MBTPS1: variants seen among roughly 807,000 people sequenced by gnomAD.
The protein encoded by MBTPS1 is membrane bound transcription factor peptidase, site 1.
Under a neutral mutation model 127.8 loss-of-function variants are expected in MBTPS1, and 94 were observed. That is an observed-to-expected ratio of 0.74 (90% CI 0.62 to 0.87). MBTPS1 has a LOEUF of 0.87. Among genes scored for constraint, MBTPS1 ranks in the 40% least tolerant of loss-of-function variants. The pLI is 0.00. For synonymous variants in MBTPS1, 632 were observed against 509.4 expected, an observed-to-expected ratio of 1.24 and a Z score of -3.24; for missense variants, 1,636 against 1,353.2, an observed-to-expected ratio of 1.21 and a Z score of -3.28.
At chr16:84,084,746 T>C (rs2085994344) in intron 10 of MBTPS1, among the ~76,000 whole-genome samples, 1 of 152,240 alleles carries the variant, frequency 6.6e-6, no homozygotes, top group Non-Finnish European at 1.5e-5. Flanking sequence ...ATTTTGCCTA[T>C]CAGCACTTTG....
chr16:84,098,808 C>T (rs571515501), intron 3 of MBTPS1, among the ~76,000 whole-genome samples: 3 of 152,160 alleles, frequency 2.0e-5, no homozygotes, highest in Non-Finnish European at 4.4e-5. Flanking sequence ...CTACTGCAAA[C>T]CCTCAGATTT....
intron 18 of MBTPS1, among the ~76,000 whole-genome samples, chr16:84,063,913 C>G (rs1243528698): frequency 6.6e-6 from 1 of 152,142 alleles, no homozygotes; most frequent in Non-Finnish European, 1.5e-5. Context: ...TTATGAAAAG[C>G]TAGGACAAAT....
chr16:84,088,858 G>A (rs1195335501), intron 8 of MBTPS1, among the ~76,000 whole-genome samples: 2 of 152,212 alleles, frequency 1.3e-5, no homozygotes, highest in Non-Finnish European at 2.9e-5. Flanking sequence ...GTGATCACAT[G>A]CCACGTTCTG....
chr16:84,094,664 T>A (rs1232562257), intron 4 of MBTPS1, among the ~76,000 whole-genome samples: 2 of 152,200 alleles, frequency 1.3e-5, no homozygotes, highest in East Asian at 3.8e-4. Context: ...ATGCTACTTT[T>A]AAAAAATGCA....
At chr16:84,079,948 G>A (rs1354780277) in intron 11 of MBTPS1, among the ~76,000 whole-genome samples, 1 of 152,314 alleles carries the variant, frequency 6.6e-6, no homozygotes, top group Non-Finnish European at 1.5e-5. Context: ...CCCAGGTCTT[G>A]ATTTCTTTAG....
Position 84,072,167 on chromosome 16 carries a change from G to C in MBTPS1, c.1594-1391C>G, listed in dbSNP as rs373478676. 6 of 152,296 alleles carry C rather than the reference G, an allele frequency of 3.9e-5. No homozygotes were observed. The South Asian group carries it at 8.3e-4, about 21-fold the overall frequency. 9.4% of individuals were successfully genotyped at this position (152,296 alleles called of 1,614,324 possible). ...AGCAGCGCGGCACTGACAGCACTAC[G>C]GCGTGGACAAACTGTGAAAACCTGA... On this transcript the variant is annotated intron_variant, in intron 12 of 22. Transcript: ENST00000343411.
intron 2 of MBTPS1, among the ~76,000 whole-genome samples, chr16:84,100,999 CAA>C (rs562200642): frequency 1.0e-4 from 7 of 68,546 alleles, no homozygotes; most frequent in East Asian, 5.7e-4. Flanking sequence ...ACTAAAAATA[CAA>C]AAAAAAAAAA....
chr16:84,110,413 G>A (rs144670614), intron 1 of MBTPS1, among the ~76,000 whole-genome samples: 13 of 152,052 alleles, frequency 8.5e-5, no homozygotes, highest in African/African-American at 3.1e-4. Context: ...TAAAAATTAT[G>A]TTTATTAAGT....
chr16:84,074,715 G>A lies in MBTPS1; in HGVS notation c.1475C>T (p.Thr492Ile). 1 of 1,614,062 alleles carries A rather than the reference G, an allele frequency of 6.2e-7. No individual in the cohort carries two copies. The highest frequency in any genetic ancestry group is 8.5e-7 in the Non-Finnish European group (1 of 1,179,964). Residue 492 changes from threonine to isoleucine, a missense_variant, in exon 12 of 23, where the codon ACT becomes ATT. Thr to Ile is a moderately conservative substitution (Grantham distance 89). Transcript: ENST00000343411. ...GTAGGGCCACATGTAGGGACACTCA[G>A]TCAGATCTATGTAGCTGGGGCTCAA... ...ASLSPSYIDL[T>I]ECPYMWPYCS...
intron 1 of MBTPS1, among the ~76,000 whole-genome samples, chr16:84,106,595 C>T (rs2086326727): frequency 2.6e-5 from 4 of 152,114 alleles, no homozygotes; most frequent in Admixed American, 2.0e-4. Context: ...CTGAGGAAAC[C>T]GGGAGACAGC....
intron 10 of MBTPS1, among the ~76,000 whole-genome samples, chr16:84,083,041 A>G (rs1323424025): frequency 6.6e-6 from 1 of 152,218 alleles, no homozygotes. Context: ...GCTGCTGGGA[A>G]AAGGAACAAC....
rs972156257 is a variant in MBTPS1, at chr16:84,062,981, G to T, written c.2572+324C>A. Reference sequence around the variant, plus strand: ...GCAGCACGGCGTAGGAAGCCTGGGAGGGGCAGGCCCCAAGGAAGTCAGGGA... The same window carrying T: ...GCAGCACGGCGTAGGAAGCCTGGGATGGGCAGGCCCCAAGGAAGTCAGGGA... On this transcript the variant is annotated intron_variant, in intron 19 of 22. Coordinates refer to ENST00000343411, the MANE Select transcript of MBTPS1 (RefSeq NM_003791.4). Among the ~76,000 whole-genome samples, 36 of 152,368 alleles carry T rather than the reference G, an allele frequency of 2.4e-4. 1 individual carries two copies. Among genetic ancestry groups the T allele is most frequent in the Admixed American group, 1.7e-3 (26 of 15,312 alleles).
At chr16:84,059,170 C>T in intron 21 of MBTPS1, 132 bp downstream of exon 21, 1 of 1,222,414 alleles carries the variant, frequency 8.2e-7, no homozygotes, top group African/African-American at 1.5e-5. Flanking sequence ...CACTAAATAA[C>T]TGTCGCAAAT....
At chr16:84,065,858 A>T in intron 17 of MBTPS1, 91 bp from the exon 18 acceptor site, 1 of 685,146 alleles carries the variant, frequency 1.5e-6, no homozygotes, top group Non-Finnish European at 2.4e-6. Flanking sequence ...TACATTCTTC[A>T]GATGCTATGT....
Position 84,108,052 on chromosome 16 carries a change from T to A in MBTPS1, c.-324-5945A>T, listed in dbSNP as rs2086348746. 2.0e-5 allele frequency among the ~76,000 whole-genome samples: 3 copies of A among 151,430 alleles called. No homozygotes were observed. In the South Asian group the frequency reaches 6.3e-4, roughly 32 times the overall value. On this transcript the variant is annotated intron_variant, in intron 1 of 22. Transcript: ENST00000343411. ...CCCACAGACTCACTAGACAAGTCAG[T>A]GAGGCTTTGCAAGCACAGACTGCAC... is the stretch of plus-strand genomic sequence containing the variant.
At chr16:84,063,079 C>T (rs2085637013) in intron 19 of MBTPS1, among the ~76,000 whole-genome samples, 1 of 152,264 alleles carries the variant, frequency 6.6e-6, no homozygotes, top group Non-Finnish European at 1.5e-5. Flanking sequence ...GAAGAGGCAT[C>T]ATGGCCCCAA....
chr16:84,073,935 G>C (rs1038312196), intron 12 of MBTPS1, among the ~76,000 whole-genome samples: 1 of 152,166 alleles, frequency 6.6e-6, no homozygotes, highest in Non-Finnish European at 1.5e-5. Flanking sequence ...GAACCTGGGA[G>C]GCGGAGGTTG....
At chr16:84,093,673 G>A (rs1173912290) in intron 5 of MBTPS1, 38 bp downstream of exon 5, 14 of 1,352,188 alleles carry the variant, frequency 1.0e-5, no homozygotes, top group South Asian at 4.7e-5. Flanking sequence ...ACTCTCAGTC[G>A]ATCACATGAC....
intron 11 of MBTPS1, among the ~76,000 whole-genome samples, chr16:84,076,115 G>C (rs925014750): frequency 6.6e-6 from 1 of 152,086 alleles, no homozygotes; most frequent in Non-Finnish European, 1.5e-5. Flanking sequence ...TTACAGATTG[G>C]TTCAATATTG....
Sources: allele counts gnomAD v4.1 joint callset (sites outside exome capture counted in the v4.1 genomes callset), GRCh38; gene constraint gnomAD v4.1.1; transcripts MANE v1.5; gene names NCBI Gene and HGNC (gene_info 2026-07-23, HGNC 2026-07-21).